RNF207: variants seen among roughly 807,000 people sequenced by gnomAD.
RNF207 encodes the protein OTTHUMG00000001089.
RNF207 carries 72 observed loss-of-function variants against 79.0 expected under a neutral mutation model. That is an observed-to-expected ratio of 0.91 (90% CI 0.75 to 1.11). RNF207 has a LOEUF of 1.11. Among genes scored for constraint, RNF207 ranks in the 50% least tolerant of loss-of-function variants. The pLI is 0.00. For synonymous variants in RNF207, 348 were observed against 366.2 expected (o/e 0.95, Z 0.57); for missense variants, 936 against 855.8 (o/e 1.09, Z -1.17).
intron 16 of RNF207, among the ~76,000 whole-genome samples, chr1:6,214,722 C>A (rs1668304565): frequency 6.7e-6 from 1 of 148,428 alleles, no homozygotes. Context: ...GCAACTTCCG[C>A]CCCCTGGGTT....
At position 6,207,573 on chromosome 1, in the gene RNF207, C is replaced by T; in HGVS notation, c.324+62C>T. On this transcript the variant is annotated intron_variant, in intron 3 of 17. Transcript: ENST00000377939. The surrounding 1 kb of genome is among the most constrained non-coding windows in gnomAD (Gnocchi z 4.5). Reference sequence around the variant, plus strand: ...GTACCCGGTTGCACAGTCCCCAATGCTTGCACATGCACTCAGCATGTCTTC... The same window carrying T: ...GTACCCGGTTGCACAGTCCCCAATGTTTGCACATGCACTCAGCATGTCTTC... 1 of 1,518,058 alleles carries T rather than the reference C, an allele frequency of 6.6e-7. No individual in the cohort carries two copies. The highest frequency in any genetic ancestry group is 8.9e-7 in the Non-Finnish European group (1 of 1,122,170). 94.0% of individuals were successfully genotyped at this position (1,518,058 alleles called of 1,614,324 possible).
intron 1 of RNF207, 77 bp from the exon 2 acceptor site, chr1:6,206,459 G>A (rs1000556011): frequency 3.6e-6 from 4 of 1,125,072 alleles, no homozygotes; most frequent in Non-Finnish European, 4.9e-6. Flanking sequence ...GGGCGCGGGC[G>A]CCCGGGCAGA....
rs1668486580 is a variant in RNF207, at chr1:6,219,719, C to G, written c.*312C>G. The G allele has an allele frequency of 6.0e-6, 1 of 166,770 alleles. No individual in the cohort carries two copies. Among genetic ancestry groups the G allele is most frequent in the Admixed American group, 6.1e-5 (1 of 16,324 alleles). 10.3% of individuals were successfully genotyped at this position (166,770 alleles called of 1,614,324 possible). ...ATGTTGGCCAGGCTGGTCTCAAACG[C>G]CAGACCTCAGGTGATCCACCTGCCT... On this transcript the variant is annotated 3_prime_UTR_variant, in exon 18 of 18. Coordinates refer to ENST00000377939, the MANE Select transcript of RNF207 (RefSeq NM_207396.3).
At chr1:6,208,849 C>A in intron 3 of RNF207, 32 bp from the exon 4 acceptor site, 2 of 1,515,754 alleles carry the variant, frequency 1.3e-6, no homozygotes, top group Non-Finnish European at 1.8e-6. Context: ...CGGTCGGGCT[C>A]TGGCGCTCCT....
At position 6,207,959 on chromosome 1, in the gene RNF207, A is replaced by G. The variant is rs574057025; in HGVS notation, c.324+448A>G. On this transcript the variant is annotated intron_variant, in intron 3 of 17. Coordinates refer to ENST00000377939, the MANE Select transcript of RNF207 (RefSeq NM_207396.3). The surrounding 1 kb of genome is among the most constrained non-coding windows in gnomAD (Gnocchi z 4.5). ...GACTCTGGCCTGCGGAGGCCAGAAA[A>G]TGTATCGGGAATCCCAGGAGGACGG... The G allele has an allele frequency of 3.0e-6, 1 of 329,988 alleles. No homozygotes were observed. Among genetic ancestry groups the G allele is most frequent in the African/African-American group, 2.1e-5 (1 of 46,808 alleles). 20.4% of individuals were successfully genotyped at this position (329,988 alleles called of 1,614,324 possible). A position where few individuals can be genotyped will look rare whatever the true frequency, so the allele number is the denominator to read the frequency against.
chr1:6,218,433 C>A, intron 17 of RNF207, 64 bp downstream of exon 17: 1 of 1,238,076 alleles, frequency 8.1e-7, no homozygotes, highest in Admixed American at 1.9e-5. Context: ...AACAGGACGA[C>A]AAAGGAAACT....
rs563500879 is a variant in RNF207 at position 6,210,913 on chromosome 1, A to C, written c.986A>C (p.His329Pro). 2.1e-5 allele frequency: 34 copies of C among 1,606,766 alleles called. 1 individual carries two copies. The South Asian group carries it at 3.6e-4, about 17-fold the overall frequency. ...CAGGGCATCGTCACGCGGCCGCACC[A>C]CCTAAGGCCTATTCAGAGCAGCAAG... ...RLQGIVTRPH[H>P]LRPIQSSKIA... The change falls in exon 11 of 18, where the codon CAC becomes CCC. Residue 329 changes from histidine to proline, a missense_variant. His to Pro is a moderately conservative substitution (Grantham distance 77). Transcript: ENST00000377939.
At chr1:6,208,743 G>C in intron 3 of RNF207, 138 bp from the exon 4 acceptor site, 1 of 869,016 alleles carries the variant, frequency 1.2e-6, no homozygotes, top group Non-Finnish European at 1.7e-6. Flanking sequence ...CAAGTGCCTG[G>C]ATTACAGGAA....
chr1:6,211,972 C>CATCA lies in RNF207; in HGVS notation c.1216_1219dup (p.Ser407AsnfsTer23), dbSNP rs749614998. The CATCA allele has an allele frequency of 6.3e-7, 1 of 1,579,236 alleles. No homozygotes were observed. The highest frequency in any genetic ancestry group is 2.3e-5 in the East Asian group (1 of 42,818). ...TCCAAAAGCCCACGCTGCACCGGTC[C>CATCA]ATCAGCACCAAGGTGCTGCTGGCGG... is the stretch of plus-strand genomic sequence containing the variant. On this transcript the variant is annotated frameshift_variant, in exon 13 of 18. Coordinates refer to ENST00000377939, the MANE Select transcript of RNF207 (RefSeq NM_207396.3). LOFTEE classifies it high-confidence loss of function. This position sits in a 1 kb window ranked among gnomAD's most constrained non-coding sequence, Gnocchi z 4.2.
At position 6,217,281 on chromosome 1, in the gene RNF207, C is replaced by A. The variant is rs1668392360; in HGVS notation, c.1653-1008C>A. 6.6e-6 allele frequency among the ~76,000 whole-genome samples: 1 copy of A among 152,178 alleles called. No homozygotes were observed. Among genetic ancestry groups the A allele is most frequent in the African/African-American group, 2.4e-5 (1 of 41,434 alleles). The stretch of plus-strand genomic sequence containing the variant: ...CTGGCTCTGCCTCCTCAGCTCAGTG[C>A]CCAGATATGTTTTTCCCCAGGGCTC... On this transcript the variant is annotated intron_variant, in intron 16 of 17. Coordinates refer to ENST00000377939, the MANE Select transcript of RNF207 (RefSeq NM_207396.3). This position sits in a 1 kb window ranked among gnomAD's most constrained non-coding sequence, Gnocchi z 4.2.
Position 6,211,114 on chromosome 1 carries a change from AAC to A in RNF207, c.1108_1109del (p.Thr370AlafsTer58), listed in dbSNP as rs775744678. Reference sequence around the variant, plus strand: ...GGTGGCAGCTGCTGCAAGTGGTGCTAACACGTGAGCAGCAACCGGGGAGGCCA... The same window carrying A: ...GGTGGCAGCTGCTGCAAGTGGTGCTAACGTGAGCAGCAACCGGGGAGGCCA... ...RRVAAAASGA[N>X]TLAGGLGPKA... On this transcript the variant is annotated frameshift_variant and splice_region_variant, in exon 12 of 18. Coordinates refer to ENST00000377939, the MANE Select transcript of RNF207 (RefSeq NM_207396.3). LOFTEE classifies it high-confidence loss of function. This position sits in a 1 kb window ranked among gnomAD's most constrained non-coding sequence, Gnocchi z 4.2. The A allele has an allele frequency of 6.3e-7, 1 of 1,588,138 alleles. No homozygotes were observed. The highest frequency in any genetic ancestry group is 8.5e-7 in the Non-Finnish European group (1 of 1,171,964).
At position 6,219,456 on chromosome 1, in the gene RNF207, T is replaced by A; in HGVS notation, c.*49T>A. The A allele has an allele frequency of 3.0e-6, 4 of 1,351,686 alleles. No homozygotes were observed. The highest frequency in any genetic ancestry group is 4.1e-6 in the Non-Finnish European group (4 of 978,442). The allele number at this position is 1,351,686 out of a possible 1,614,324, so 83.7% of individuals were successfully genotyped here. On this transcript the variant is annotated 3_prime_UTR_variant, in exon 18 of 18. Transcript: ENST00000377939. ...CAGGCTCTTAGAGCAGGCACAAGACTGGGACACTGGACAGAAGGTTGTTCC... is the reference window on the plus strand; with the variant it reads ...CAGGCTCTTAGAGCAGGCACAAGACAGGGACACTGGACAGAAGGTTGTTCC...
rs757231400 is a variant in RNF207 at position 6,206,554 on chromosome 1, G to C, written c.19G>C (p.Gly7Arg). Residue 7 changes from glycine (G) to arginine (R), a missense_variant, in exon 2 of 18, where the codon GGG (glycine) becomes CGG (arginine). Physicochemically the swap from Gly to Arg is moderately radical, Grantham distance 125. Coordinates refer to ENST00000377939, the MANE Select transcript of RNF207 (RefSeq NM_207396.3). ...GCTGCAGATGTCGGGAGCTATCTTCGGGCCCCTGGAGGGCCCGAGCTCCCT... is the reference window on the plus strand; with the variant it reads ...GCTGCAGATGTCGGGAGCTATCTTCCGGCCCCTGGAGGGCCCGAGCTCCCT... MSGAIF[G>R]PLEGPSSLDA... 1.9e-6 allele frequency: 3 copies of C among 1,587,750 alleles called. No homozygotes were observed. Among genetic ancestry groups the C allele is most frequent in the Non-Finnish European group, 2.6e-6 (3 of 1,174,598 alleles).
In RNF207 at chr1:6,206,634, G is replaced by A. The variant is rs750298125; in HGVS notation, c.99G>A (p.Glu33=). The A allele has an allele frequency of 3.7e-6, 6 of 1,608,050 alleles. No individual in the cohort carries two copies. Among genetic ancestry groups the A allele is most frequent in the Non-Finnish European group, 5.1e-6 (6 of 1,179,844 alleles). Residue 33 remains glutamate (E), a synonymous_variant, in exon 2 of 18, where the codon GAG becomes GAA. Transcript: ENST00000377939. The part of the protein sequence containing the change: ...LVCPLCHVQY[E]RPCLLDCFHD... ...GCCCGCTGTGCCACGTGCAGTACGAGCGCCCGTGTCTTCTGGACTGTTTCC... is the reference window on the plus strand; with the variant it reads ...GCCCGCTGTGCCACGTGCAGTACGAACGCCCGTGTCTTCTGGACTGTTTCC...
At chr1:6,209,645 C>A in intron 7 of RNF207, 106 bp downstream of exon 7, 1 of 1,306,802 alleles carries the variant, frequency 7.7e-7, no homozygotes, top group Non-Finnish European at 1.0e-6. Context: ...GCAGGCCTTG[C>A]ACCAAGCACT....
At position 6,212,186 on chromosome 1, in the gene RNF207, AACAGCCTAGGGTGACCCACGCTCTCAC is replaced by A; in HGVS notation, c.1297-37_1297-11del. ...CCTCCACCAAGTCCATGGCAGTAAA[AACAGCCTAGGGTGACCCACGCTCTCAC>A]ACAGCCTCTCTGTGCAGCACCTGCA... On this transcript the variant is annotated intron_variant, in intron 13 of 17. Coordinates refer to ENST00000377939, the MANE Select transcript of RNF207 (RefSeq NM_207396.3). The A allele has an allele frequency of 6.3e-7, 1 of 1,577,994 alleles. No homozygotes were observed. Among genetic ancestry groups the A allele is most frequent in the Non-Finnish European group, 8.6e-7 (1 of 1,161,538 alleles).
rs1356437126 is a variant in RNF207, at chr1:6,217,554, T to C, written c.1653-735T>C. ...CAGACATGCTATTCCCATCTCCCCATCTCAGTGAATAGCACCACATTCACT... is the reference window on the plus strand; with the variant it reads ...CAGACATGCTATTCCCATCTCCCCACCTCAGTGAATAGCACCACATTCACT... On this transcript the variant is annotated intron_variant, in intron 16 of 17. Transcript: ENST00000377939. The surrounding 1 kb of genome is among the most constrained non-coding windows in gnomAD (Gnocchi z 4.2). Among the ~76,000 whole-genome samples, 1 of 152,104 alleles carries C rather than the reference T, an allele frequency of 6.6e-6. No homozygotes were observed. Among genetic ancestry groups the C allele is most frequent in the Non-Finnish European group, 1.5e-5 (1 of 68,024 alleles).
At chr1:6,209,853 C>G (rs577531862) in intron 7 of RNF207, 71 bp from the exon 8 acceptor site, 3 of 1,490,208 alleles carry the variant, frequency 2.0e-6, no homozygotes, top group African/African-American at 2.8e-5. Context: ...GGCTGGGGTC[C>G]GGGGGGTAGG....
intron 2 of RNF207, 146 bp downstream of exon 2, chr1:6,206,872 G>T: frequency 3.1e-6 from 2 of 652,100 alleles, no homozygotes; most frequent in Non-Finnish European, 5.2e-6. Flanking sequence ...CCGGTCCTTA[G>T]CTCTCCCCGC....
Sources: allele counts gnomAD v4.1 joint callset (sites outside exome capture counted in the v4.1 genomes callset), GRCh38; gene constraint gnomAD v4.1.1; non-coding constraint Gnocchi (gnomAD v3.1); transcripts MANE v1.5; gene names NCBI Gene and HGNC (gene_info 2026-07-23, HGNC 2026-07-21).